The following CDH18 variants were observed in gnomAD, a reference collection of about 807,000 sequenced individuals.
CDH18 encodes cadherin 18.
A neutral mutation model predicts 67.9 loss-of-function variants in CDH18; 31 were observed. The observed-to-expected ratio is 0.46, with a 90% CI of 0.34 to 0.62. CDH18 has a LOEUF of 0.62. CDH18 is among the 20% of genes least tolerant of loss of function. The probability of loss-of-function intolerance (pLI) is 0.01; values close to 1 mark genes in which losing one functional copy is unlikely to be tolerated. For synonymous variants in CDH18, 362 were observed against 347.2 expected (o/e 1.04, Z -0.48); for missense variants, 890 against 975.5 (o/e 0.91, Z 1.17).
At chr5:20,317,954 T>C (rs1374279696) in intron 1 of CDH18, among the ~76,000 whole-genome samples, 1 of 152,204 alleles carries the variant, frequency 6.6e-6, no homozygotes, top group African/African-American at 2.4e-5. Flanking sequence ...AACTGCTGCA[T>C]AGTATATTCT....
intron 1 of CDH18, among the ~76,000 whole-genome samples, chr5:20,534,113 A>G (rs1436695129): frequency 2.6e-5 from 4 of 152,094 alleles, no homozygotes; most frequent in Non-Finnish European, 5.9e-5. Context: ...ATGCCAATTG[A>G]TTCATCTCTC....
chr5:20,267,319 T>C (rs1013413125), intron 1 of CDH18, among the ~76,000 whole-genome samples: 1 of 152,186 alleles, frequency 6.6e-6, no homozygotes, highest in Non-Finnish European at 1.5e-5. Context: ...AGTATCATTA[T>C]GTTTGGGTTA....
At chr5:20,369,579 C>T (rs1742814606) in intron 1 of CDH18, among the ~76,000 whole-genome samples, 1 of 152,124 alleles carries the variant, frequency 6.6e-6, no homozygotes, top group South Asian at 2.1e-4. Context: ...TTCCCATATT[C>T]CACTATGAAA....
At chr5:19,620,724 C>T (rs1343129291) in intron 5 of CDH18, among the ~76,000 whole-genome samples, 1 of 151,828 alleles carries the variant, frequency 6.6e-6, no homozygotes, top group African/African-American at 2.4e-5. Context: ...CATTTTATTT[C>T]TGTTATTAGT....
At chr5:20,419,475 T>G (rs1267858272) in intron 1 of CDH18, among the ~76,000 whole-genome samples, 1 of 76,184 alleles carries the variant, frequency 1.3e-5, no homozygotes, top group African/African-American at 4.0e-5. Flanking sequence ...TTTTTTTTTT[T>G]TTTTTTTTTT....
intron 7 of CDH18, among the ~76,000 whole-genome samples, chr5:19,588,535 C>A (rs1744583230): frequency 6.6e-6 from 1 of 151,942 alleles, no homozygotes; most frequent in South Asian, 2.1e-4. Flanking sequence ...ATGACTGGAT[C>A]AAATCCACTC....
At chr5:20,158,383 C>G (rs921569564) in intron 2 of CDH18, among the ~76,000 whole-genome samples, 1 of 152,062 alleles carries the variant, frequency 6.6e-6, no homozygotes, top group Non-Finnish European at 1.5e-5. Flanking sequence ...TTGTTGAGAA[C>G]TGTTTAATAA....
Position 20,427,982 on chromosome 5 carries a change from G to C in CDH18, c.-580+147480C>G, listed in dbSNP as rs56045232. On this transcript the variant is annotated intron_variant, in intron 1 of 14. Transcript: ENST00000507958. Reference sequence around the variant, plus strand: ...TAGGATACATGTGCAGAACGTGCAGGTTTGTTACATAGGTATACAAGTGCC... The same window carrying C: ...TAGGATACATGTGCAGAACGTGCAGCTTTGTTACATAGGTATACAAGTGCC... Among the ~76,000 whole-genome samples, 141 of 151,016 alleles carry C rather than the reference G, an allele frequency of 9.3e-4. No individual in the cohort carries two copies. In the East Asian group the frequency reaches 0.01, roughly 11 times the overall value.
chr5:20,308,807 A>G (rs1264403772), intron 1 of CDH18, among the ~76,000 whole-genome samples: 1 of 152,146 alleles, frequency 6.6e-6, no homozygotes, highest in African/African-American at 2.4e-5. Flanking sequence ...TCTATGCCAC[A>G]TTGAAAACCA....
intron 1 of CDH18, among the ~76,000 whole-genome samples, chr5:20,363,238 A>AATC (rs1742232093): frequency 6.6e-6 from 1 of 151,312 alleles, no homozygotes; most frequent in Non-Finnish European, 1.5e-5. Flanking sequence ...TAATCCCAGC[A>AATC]CTTTGGGAGG....
chr5:20,262,232 A>G (rs987194676), intron 1 of CDH18, among the ~76,000 whole-genome samples: 1 of 152,180 alleles, frequency 6.6e-6, no homozygotes, highest in Non-Finnish European at 1.5e-5. Flanking sequence ...GAGAATTTTA[A>G]TGGTCATTAT....
At chr5:20,364,577 A>G (rs190154914) in intron 1 of CDH18, among the ~76,000 whole-genome samples, 126 of 152,320 alleles carry the variant, frequency 8.3e-4, no homozygotes, top group Admixed American at 1.6e-3. Context: ...ATTATATTCA[A>G]TTCAATTCAA....
chr5:19,473,559 A>C lies in CDH18; in HGVS notation c.2040T>G (p.Ser680=). Residue 680 remains serine, a synonymous_variant, in exon 13 of 13, where the codon TCT becomes TCG. Coordinates refer to ENST00000382275, the MANE Select transcript of CDH18 (RefSeq NM_004934.5). Reference sequence around the variant, plus strand: ...TCCGGTACTTGAGCTCCTCAGCAGCAGAAGGATTCCTCAAGGCTGTGATGT... The same window carrying C: ...TCCGGTACTTGAGCTCCTCAGCAGCCGAAGGATTCCTCAAGGCTGTGATGT... ...AFDITALRNP[S]AAEELKYRRD... 2 of 1,613,890 alleles carry C rather than the reference A, an allele frequency of 1.2e-6. No individual in the cohort carries two copies. The highest frequency in any genetic ancestry group is 2.2e-5 in the South Asian group (2 of 91,080).
chr5:19,949,038 T>C (rs1272271404), intron 2 of CDH18, among the ~76,000 whole-genome samples: 3 of 152,162 alleles, frequency 2.0e-5, no homozygotes, highest in African/African-American at 7.2e-5. Context: ...ACCTGCTTTG[T>C]AATCATAAGA....
At chr5:19,762,168 G>A (rs1772446908) in intron 3 of CDH18, among the ~76,000 whole-genome samples, 1 of 152,136 alleles carries the variant, frequency 6.6e-6, no homozygotes, top group South Asian at 2.1e-4. Flanking sequence ...ATACCATTCA[G>A]GACATAGGGA....
At chr5:19,744,095 A>G (rs1047925922) in intron 4 of CDH18, among the ~76,000 whole-genome samples, 7 of 152,100 alleles carry the variant, frequency 4.6e-5, no homozygotes, top group African/African-American at 1.7e-4. Flanking sequence ...TTGTTTTCCT[A>G]TAGTAATGAG....
At chr5:20,419,462 G>GTTTTTTTTTTTTTTTTTT (rs202130030) in intron 1 of CDH18, among the ~76,000 whole-genome samples, 4 of 75,646 alleles carry the variant, frequency 5.3e-5, no homozygotes, top group African/African-American at 2.4e-4. Context: ...ATGGGACTCT[G>GTTTTTTTTTTTTTTTTTT]TTTTTTTTTT....
At chr5:19,827,244 A>T (rs1780504900) in intron 3 of CDH18, among the ~76,000 whole-genome samples, 1 of 151,928 alleles carries the variant, frequency 6.6e-6, no homozygotes, top group African/African-American at 2.4e-5. Context: ...GTTCTTAGAA[A>T]TTTACAAAGA....
rs114115504 is a variant in CDH18 at position 20,478,401 on chromosome 5, C to G, written c.-580+97061G>C. On this transcript the variant is annotated intron_variant, in intron 1 of 14. Transcript: ENST00000507958. ...CCTGAAGGCAGAGATCTAGGCCTGA[C>G]AGCATTCATCACAAGCTGAATAAAG... 5.2e-3 allele frequency among the ~76,000 whole-genome samples: 785 copies of G among 152,242 alleles called. 5 individuals are homozygous for G. The highest frequency in any genetic ancestry group is 0.018 in the African/African-American group (742 of 41,548).
Sources: gnomAD v4.1 joint callset for allele counts (sites outside exome capture counted in the v4.1 genomes callset) on GRCh38, gnomAD v4.1.1 for gene constraint, MANE v1.5 for transcripts, NCBI Gene and HGNC (gene_info 2026-07-23, HGNC 2026-07-21) for gene names.